The following PCDHA1 variants were observed in gnomAD, a reference collection of about 807,000 sequenced individuals.
PCDHA1 encodes protocadherin alpha-1.
Under a neutral mutation model 61.3 loss-of-function variants are expected in PCDHA1, and 42 were observed. That is an observed-to-expected ratio of 0.69 (90% CI 0.54 to 0.89). The LOEUF (loss-of-function observed/expected upper bound fraction) is 0.89, where lower values mean the gene tolerates loss of function less well. PCDHA1 is among the 40% of genes least tolerant of loss of function. PCDHA1 has a pLI of 0.00. For missense variants in PCDHA1, 1,256 were observed against 1,235.3 expected (o/e 1.02, Z -0.25); for synonymous variants, 610 against 553.8 (o/e 1.10, Z -1.43).
chr5:140,860,028 C>A (rs2046140974), intron 1 of PCDHA1: 1 of 151,914 alleles, frequency 6.6e-6, no homozygotes, highest in South Asian at 2.1e-4. Context: ...GTGGCTCACA[C>A]CTGTAATCCC....
chr5:140,928,821 C>A (rs2085565750), intron 1 of PCDHA1: 3 of 1,614,142 alleles, frequency 1.9e-6, no homozygotes, highest in Non-Finnish European at 2.5e-6. Context: ...ACCATGGAGA[C>A]CCACCACTTT....
intron 1 of PCDHA1, among the ~76,000 whole-genome samples, chr5:140,797,814 GC>G (rs1762265821): frequency 6.6e-6 from 1 of 152,064 alleles, no homozygotes; most frequent in Admixed American, 6.5e-5. Context: ...GATCAACAAT[GC>G]CCTTGTCTAT....
chr5:140,872,593 A>T (rs1214441484), intron 1 of PCDHA1, among the ~76,000 whole-genome samples: 1 of 152,160 alleles, frequency 6.6e-6, no homozygotes, highest in African/African-American at 2.4e-5. Flanking sequence ...TGAGACCCCC[A>T]TCTGAAAAAA....
chr5:141,009,923 A>T lies in PCDHA1; in HGVS notation c.2839A>T (p.Asn947Tyr), dbSNP rs1463725058. The change falls in exon 4 of 4, where the codon AAC becomes TAC. Residue 947 changes from asparagine (N) to tyrosine (Y), a missense_variant. By Grantham distance (143) the Asn-to-Tyr change is moderately radical. Coordinates refer to ENST00000504120, the MANE Select transcript of PCDHA1 (RefSeq NM_018900.4). ...KKEKGNSTTD[N>Y]SDQ ...AGAGAAAGGGAACAGCACGACTGAC[A>T]ACAGTGACCAGTGAGGTCCTCAAAT... 6.2e-7 allele frequency: 1 copy of T among 1,608,790 alleles called. No homozygotes were observed. The highest frequency in any genetic ancestry group is 8.5e-7 in the Non-Finnish European group (1 of 1,178,528).
intron 1 of PCDHA1, among the ~76,000 whole-genome samples, chr5:140,895,667 G>A (rs2153450568): frequency 1.3e-5 from 2 of 152,262 alleles, no homozygotes; most frequent in South Asian, 4.1e-4. Context: ...GTGAGAACAT[G>A]TAGTATTTGG....
intron 1 of PCDHA1, chr5:140,808,927 G>T (rs1764306295): frequency 6.2e-7 from 1 of 1,613,590 alleles, no homozygotes; most frequent in African/African-American, 1.3e-5. Flanking sequence ...TGAGCGAGCT[G>T]GTGCCATGGT....
intron 1 of PCDHA1, chr5:140,848,263 A>C: frequency 2.1e-6 from 1 of 484,676 alleles, no homozygotes; most frequent in Non-Finnish European, 3.6e-6. Context: ...TGAAATTTTT[A>C]TTCATGAAAT....
At chr5:140,845,368 C>A (rs1281318130) in intron 1 of PCDHA1, among the ~76,000 whole-genome samples, 1 of 149,482 alleles carries the variant, frequency 6.7e-6, no homozygotes, top group African/African-American at 2.4e-5. Context: ...TACAAAATAT[C>A]ATAAATAGGA....
chr5:140,813,639 C>G (rs1765348977), intron 1 of PCDHA1: 1 of 152,192 alleles, frequency 6.6e-6, no homozygotes, highest in African/African-American at 2.4e-5. Context: ...CAGGACATTA[C>G]TGTGCACTAA....
In PCDHA1 at chr5:140,788,193, C is replaced by T. The variant is rs144781571; in HGVS notation, c.1903C>T (p.Arg635Cys). ...GLYTGEISTTRVLDEADLSRY... is the reference protein window; with the variant it reads ...GLYTGEISTTCVLDEADLSRY... ...GTACACGGGCGAGATCAGCACGACT[C>T]GTGTCCTGGACGAGGCTGACTTGTC... The change falls in exon 1 of 4, where the codon CGT (arginine) becomes TGT (cysteine). Residue 635 changes from arginine (R) to cysteine (C), a missense_variant. Physicochemically the swap from Arg to Cys is radical, Grantham distance 180. Transcript: ENST00000504120. The T allele has an allele frequency of 1.5e-5, 24 of 1,613,946 alleles. No individual in the cohort carries two copies. Among genetic ancestry groups the T allele is most frequent in the African/African-American group, 1.2e-4 (9 of 74,948 alleles).
At chr5:140,850,367 GGGGCTGT>G (rs1332786840) in intron 1 of PCDHA1, 1 of 1,597,800 alleles carries the variant, frequency 6.3e-7, no homozygotes, top group Non-Finnish European at 8.6e-7. Context: ...CGTTCCGCGT[GGGGCTGT>G]ACACGGGCGA....
intron 3 of PCDHA1, among the ~76,000 whole-genome samples, chr5:140,983,431 G>T (rs947907651): frequency 5.3e-5 from 8 of 152,198 alleles, no homozygotes; most frequent in African/African-American, 1.9e-4. Flanking sequence ...ACCACAAATT[G>T]TGTCTACTCT....
Position 140,853,619 on chromosome 5 carries a change from G to C in PCDHA1, c.2394+64935G>C. 2.0e-6 allele frequency: 2 copies of C among 988,316 alleles called. 1 individual carries two copies. The allele number at this position is 988,316 out of a possible 1,614,324, so 61.2% of individuals were successfully genotyped here. A position where few individuals can be genotyped will look rare whatever the true frequency, so the allele number is the denominator to read the frequency against. ...AGAGCAAAGGGGGTGCTGTAAATAA[G>C]TATACAAGATCACAGACCTAAATTG... On this transcript the variant is annotated intron_variant, in intron 1 of 3. Transcript: ENST00000504120.
At chr5:140,920,842 A>G (rs1377558160) in intron 1 of PCDHA1, among the ~76,000 whole-genome samples, 1 of 127,576 alleles carries the variant, frequency 7.8e-6, no homozygotes, top group Non-Finnish European at 1.7e-5. Flanking sequence ...GACCAAATCT[A>G]AAAAAAAAAA....
intron 1 of PCDHA1, among the ~76,000 whole-genome samples, chr5:140,893,391 G>A (rs1481818388): frequency 6.6e-6 from 1 of 152,158 alleles, no homozygotes; most frequent in Non-Finnish European, 1.5e-5. Context: ...AGTGGCTCAT[G>A]CCTGTAATCC....
chr5:141,011,104 C>A lies in PCDHA1; in HGVS notation c.*1167C>A, dbSNP rs1396728499. On this transcript the variant is annotated 3_prime_UTR_variant, in exon 4 of 4. Transcript: ENST00000504120. ...GATCTCTCTTTCTCTCTCTCTCTCT[C>A]TTTTCTAAGAAACAATTATGTGCAC... is the stretch of plus-strand genomic sequence containing the variant. 6.5e-6 allele frequency: 1 copy of A among 153,726 alleles called. No individual in the cohort carries two copies. The highest frequency in any genetic ancestry group is 1.5e-5 in the Non-Finnish European group (1 of 68,028). The allele number at this position is 153,726 out of a possible 1,614,324, so 9.5% of individuals were successfully genotyped here. A position where few individuals can be genotyped will look rare whatever the true frequency, so the allele number is the denominator to read the frequency against.
At position 140,843,021 on chromosome 5, in the gene PCDHA1, A is replaced by C. The variant is rs2150350261; in HGVS notation, c.2394+54337A>C. 58 of 1,595,034 alleles carry C rather than the reference A, an allele frequency of 3.6e-5. 4 individuals are homozygous for C. The East Asian group carries it at 5.1e-4, about 14-fold the overall frequency. On this transcript the variant is annotated intron_variant, in intron 1 of 3. Coordinates refer to ENST00000504120, the MANE Select transcript of PCDHA1 (RefSeq NM_018900.4). Reference sequence around the variant, plus strand: ...AATGACAACGCGCCGGCACTGCTGGAGCCTCGGGTGGGTGGCACTGGTGGC... The same window carrying C: ...AATGACAACGCGCCGGCACTGCTGGCGCCTCGGGTGGGTGGCACTGGTGGC...
chr5:140,830,221 G>T (rs2150182953), intron 1 of PCDHA1: 1 of 1,613,892 alleles, frequency 6.2e-7, no homozygotes, highest in South Asian at 1.1e-5. Flanking sequence ...TATCCAGCCT[G>T]CTGGTCCTCA....
intron 1 of PCDHA1, chr5:140,871,063 G>A (rs377081112): frequency 1.2e-6 from 2 of 1,613,272 alleles, no homozygotes; most frequent in Non-Finnish European, 1.7e-6. Flanking sequence ...GAAGGATCAC[G>A]GTGAGCCGGC....
Sources: gnomAD v4.1 joint callset for allele counts (sites outside exome capture counted in the v4.1 genomes callset) on GRCh38, gnomAD v4.1.1 for gene constraint, MANE v1.5 for transcripts, NCBI Gene and HGNC (gene_info 2026-07-23, HGNC 2026-07-21) for gene names.